The following USP25 variants were observed in gnomAD, a reference collection of about 807,000 sequenced individuals.
The protein encoded by USP25 is ubiquitin carboxyl-terminal hydrolase 25.
In USP25, 85 loss-of-function variants were observed where a neutral mutation model predicts 158.5. The ratio of observed to expected loss-of-function variants is 0.54; its 90% confidence interval spans 0.45 to 0.64. USP25 has a LOEUF of 0.64. USP25 is among the 30% of genes least tolerant of loss of function. The probability of loss-of-function intolerance (pLI) is 0.00; values close to 1 mark genes in which losing one functional copy is unlikely to be tolerated. For synonymous variants in USP25, 464 were observed against 460.4 expected, an observed-to-expected ratio of 1.01 and a Z score of -0.10; for missense variants, 1,242 against 1,327.3, an observed-to-expected ratio of 0.94 and a Z score of 1.00.
intron 3 of USP25, among the ~76,000 whole-genome samples, chr21:15,776,022 T>G (rs968043028): frequency 1.3e-5 from 2 of 152,166 alleles, no homozygotes; most frequent in Admixed American, 6.5e-5. Context: ...TTTCTCTACT[T>G]AGACCTAAGT....
Position 15,879,616 on chromosome 21 carries a change from T to C in USP25, c.*1141T>C, listed in dbSNP as rs745457782. 1 of 152,536 alleles carries C rather than the reference T, an allele frequency of 6.6e-6. No homozygotes were observed. Among genetic ancestry groups the C allele is most frequent in the Non-Finnish European group, 1.5e-5 (1 of 67,990 alleles). 9.4% of individuals were successfully genotyped at this position (152,536 alleles called of 1,614,324 possible). On this transcript the variant is annotated 3_prime_UTR_variant, in exon 26 of 26. Transcript: ENST00000400183. ...TGAATGAAAATCAAAATCCATACTT[T>C]AAAGGTAATCATGTTACTAACAACC...
chr21:15,780,576 G>C (rs551217771), intron 4 of USP25, among the ~76,000 whole-genome samples: 4 of 152,162 alleles, frequency 2.6e-5, no homozygotes, highest in Non-Finnish European at 5.9e-5. Context: ...CAAAGAGCAC[G>C]CACCTTCAAC....
chr21:15,810,445 CT>C (rs370234790), intron 8 of USP25, among the ~76,000 whole-genome samples: 191 of 152,180 alleles, frequency 1.3e-3, no homozygotes, highest in African/African-American at 4.3e-3. Context: ...CAAGGATAAA[CT>C]TTGTCTTTTT....
At chr21:15,812,402 A>C (rs1355278066) in intron 9 of USP25, among the ~76,000 whole-genome samples, 3 of 152,168 alleles carry the variant, frequency 2.0e-5, no homozygotes, top group Non-Finnish European at 2.9e-5. Flanking sequence ...TAATCCCAGC[A>C]CTTCGGGAGC....
At chr21:15,834,853 C>A (rs902285900) in intron 17 of USP25, among the ~76,000 whole-genome samples, 8 of 152,312 alleles carry the variant, frequency 5.3e-5, no homozygotes, top group African/African-American at 1.9e-4. Flanking sequence ...TTTTCCCCCA[C>A]GTGTACAAGG....
intron 1 of USP25, among the ~76,000 whole-genome samples, chr21:15,737,653 T>G (rs2031649359): frequency 6.6e-6 from 1 of 152,122 alleles, no homozygotes. Flanking sequence ...TAGAAGGTAG[T>G]CGTCTGTATT....
At chr21:15,771,062 T>C (rs1381005588) in intron 3 of USP25, among the ~76,000 whole-genome samples, 1 of 152,232 alleles carries the variant, frequency 6.6e-6, no homozygotes, top group Non-Finnish European at 1.5e-5. Context: ...AGTTTTTATC[T>C]CTATTCTGTA....
chr21:15,823,809 TTTC>T (rs1163951711), intron 10 of USP25, among the ~76,000 whole-genome samples: 1 of 152,190 alleles, frequency 6.6e-6, no homozygotes, highest in African/African-American at 2.4e-5. Flanking sequence ...AGTTGTGAGA[TTTC>T]TTTTTTTCCT....
At position 15,826,446 on chromosome 21, in the gene USP25, T is replaced by C. The variant is rs2037507711; in HGVS notation, c.1466+81T>C. On this transcript the variant is annotated intron_variant, in intron 13 of 25. Coordinates refer to ENST00000400183, the MANE Select transcript of USP25 (RefSeq NM_001283041.3). This position sits in a 1 kb window ranked among gnomAD's most constrained non-coding sequence, Gnocchi z 4.8. ...AACTGCTGCCTTTAAAGACAGTTTCTATAAAATGTATGCTTTGATTTACTT... is the reference window on the plus strand; with the variant it reads ...AACTGCTGCCTTTAAAGACAGTTTCCATAAAATGTATGCTTTGATTTACTT... 6.7e-7 allele frequency: 1 copy of C among 1,488,864 alleles called. No individual in the cohort carries two copies. The highest frequency in any genetic ancestry group is 1.4e-5 in the African/African-American group (1 of 72,114). 92.2% of individuals were successfully genotyped at this position (1,488,864 alleles called of 1,614,324 possible).
chr21:15,834,647 T>G (rs1476411998), intron 17 of USP25, among the ~76,000 whole-genome samples: 11 of 152,212 alleles, frequency 7.2e-5, no homozygotes, highest in Admixed American at 7.2e-4. Flanking sequence ...GTCGCAGGCA[T>G]GCACAAATCT....
At chr21:15,745,473 CTTTTTTT>C (rs11284817) in intron 1 of USP25, among the ~76,000 whole-genome samples, 17 of 112,998 alleles carry the variant, frequency 1.5e-4, no homozygotes, top group South Asian at 8.6e-4. Flanking sequence ...TTTTTCTTTT[CTTTTTTT>C]TTTTTTTTTT....
chr21:15,823,279 A>G (rs965739215), intron 10 of USP25, among the ~76,000 whole-genome samples: 5 of 151,968 alleles, frequency 3.3e-5, no homozygotes, highest in Admixed American at 6.6e-5. Flanking sequence ...TTGAGGTTGT[A>G]TATGAAAATA....
intron 1 of USP25, among the ~76,000 whole-genome samples, chr21:15,741,859 A>T (rs1040612313): frequency 6.6e-6 from 1 of 152,232 alleles, no homozygotes; most frequent in African/African-American, 2.4e-5. Flanking sequence ...AAAAAGGTAC[A>T]TTGCTGAAAA....
At chr21:15,738,099 A>G (rs1217484579) in intron 1 of USP25, among the ~76,000 whole-genome samples, 2 of 152,196 alleles carry the variant, frequency 1.3e-5, no homozygotes, top group African/African-American at 4.8e-5. Context: ...GCTCTCTTCT[A>G]CTGAATTGAT....
chr21:15,759,351 G>T lies in USP25; in HGVS notation c.46-3540G>T, dbSNP rs534950346. Among the ~76,000 whole-genome samples the T allele has an allele frequency of 4.6e-5, 7 of 152,220 alleles. No homozygotes were observed. The East Asian group carries it at 1.4e-3, about 29-fold the overall frequency. ...AATTTAGAAAGTTTATTTTGCCAGG[G>T]TTAAGTACGTGCCTGTGACACAGCC... On this transcript the variant is annotated intron_variant, in intron 1 of 25. Coordinates refer to ENST00000400183, the MANE Select transcript of USP25 (RefSeq NM_001283041.3).
At chr21:15,841,446 A>G (rs1223759941) in intron 17 of USP25, among the ~76,000 whole-genome samples, 1 of 152,144 alleles carries the variant, frequency 6.6e-6, no homozygotes, top group East Asian at 1.9e-4. Flanking sequence ...ATATACCTGC[A>G]TCATCTCTTG....
At chr21:15,832,023 A>G (rs2037828814) in intron 16 of USP25, among the ~76,000 whole-genome samples, 1 of 152,178 alleles carries the variant, frequency 6.6e-6, no homozygotes, top group South Asian at 2.1e-4. Context: ...TTCTTGCTGT[A>G]TCTGCTCATA....
At chr21:15,809,794 A>G in intron 8 of USP25, among the ~76,000 whole-genome samples, 1 of 152,230 alleles carries the variant, frequency 6.6e-6, no homozygotes, top group Admixed American at 6.5e-5. Context: ...TGTGCTGTAT[A>G]TACATACAGT....
At chr21:15,871,213 G>T (rs1436020068) in intron 23 of USP25, among the ~76,000 whole-genome samples, 2 of 152,184 alleles carry the variant, frequency 1.3e-5, no homozygotes, top group Non-Finnish European at 2.9e-5. Flanking sequence ...ATTATTTAAA[G>T]TCCTAGTCAT....
Sources: gnomAD v4.1 joint callset for allele counts (sites outside exome capture counted in the v4.1 genomes callset) on GRCh38, gnomAD v4.1.1 for gene constraint, Gnocchi (gnomAD v3.1) non-coding constraint, MANE v1.5 for transcripts, NCBI Gene and HGNC (gene_info 2026-07-23, HGNC 2026-07-21) for gene names.